Variants in NHLRC3 observed in about 807,000 individuals in gnomAD.
NHLRC3 encodes the protein NHL repeat-containing protein 3.
A neutral mutation model predicts 32.0 loss-of-function variants in NHLRC3; 23 were observed. The ratio of observed to expected loss-of-function variants is 0.72; its 90% confidence interval spans 0.52 to 1.02. NHLRC3 has a LOEUF of 1.02. Among genes scored for constraint, NHLRC3 ranks in the 50% least tolerant of loss-of-function variants. The pLI is 0.00. For synonymous variants in NHLRC3, 159 were observed against 147.9 expected (o/e 1.08, Z -0.55); for missense variants, 407 against 406.8 (o/e 1.00, Z -0.01).
chr13:39,047,146 C>T lies in NHLRC3; in HGVS notation c.785C>T (p.Ser262Leu). 1 of 1,575,346 alleles carries T rather than the reference C, an allele frequency of 6.3e-7. No individual in the cohort carries two copies. The highest frequency in any genetic ancestry group is 8.7e-7 in the Non-Finnish European group (1 of 1,146,982). ...NNCFTEEGPS[S>L]VRFTPDGKYL... ...TGTTTCACAGAAGAGGGACCTTCTT[C>T]AGTCAGGTAATTGTTTCATTTTATT... is the stretch of plus-strand genomic sequence containing the variant. Residue 262 changes from serine (S) to leucine (L), a missense_variant, in exon 6 of 7, where the codon TCA (serine) becomes TTA (leucine). Transcript: ENST00000379600.
chr13:39,046,029 G>A (rs1169525137), intron 5 of NHLRC3, among the ~76,000 whole-genome samples: 1 of 152,106 alleles, frequency 6.6e-6, no homozygotes, highest in African/African-American at 2.4e-5. Flanking sequence ...CTGGCCACAA[G>A]TCATCAAAAA....
At chr13:39,040,440 A>C (rs1010472720) in intron 3 of NHLRC3, 2 of 152,222 alleles carry the variant, frequency 1.3e-5, no homozygotes, top group Admixed American at 1.3e-4. Context: ...AAGTGCAAAG[A>C]TTGCAGAAAC....
rs1566032080 is a variant in NHLRC3 at position 39,039,173 on chromosome 13, CTG to C, written c.123_124del (p.Lys43AsnfsTer11). ...TTTACTTTTGCAGTTTCCTGGAGAA[CTG>C]AGAAAATTCTTTACCGGCTGGATGT... On this transcript the variant is annotated frameshift_variant, in exon 2 of 7. Transcript: ENST00000379600. LOFTEE classifies it high-confidence loss of function. 2.5e-6 allele frequency: 4 copies of C among 1,599,522 alleles called. No homozygotes were observed. The highest frequency in any genetic ancestry group is 2.6e-6 in the Non-Finnish European group (3 of 1,172,198).
rs544101499 is a variant in NHLRC3, at chr13:39,049,216, C to A, written c.*1290C>A. The A allele has an allele frequency of 6.5e-6, 1 of 152,700 alleles. No homozygotes were observed. The highest frequency in any genetic ancestry group is 2.1e-4 in the South Asian group (1 of 4,826). The allele number at this position is 152,700 out of a possible 1,614,324, so 9.5% of individuals were successfully genotyped here. On this transcript the variant is annotated 3_prime_UTR_variant, in exon 7 of 7. Transcript: ENST00000379600. ...TATGACAAATCTTGAGCTGACTTTCCTCTTCACCTGTTATGGCTGGAGTAT... is the reference window on the plus strand; with the variant it reads ...TATGACAAATCTTGAGCTGACTTTCATCTTCACCTGTTATGGCTGGAGTAT...
chr13:39,038,916 T>C (rs1871326633), intron 1 of NHLRC3, 193 bp downstream of exon 1: 1 of 644,408 alleles, frequency 1.6e-6, no homozygotes, highest in Non-Finnish European at 2.7e-6. Context: ...ATTTTCCTCT[T>C]TCCCAACTCT....
chr13:39,038,365 G>T, upstream of NHLRC3: 1 of 505,740 alleles, frequency 2.0e-6, no homozygotes, highest in Non-Finnish European at 3.6e-6. Flanking sequence ...GGGCGGGAAA[G>T]GGTGGTCACT....
chr13:39,041,844 A>G (rs1593551048), intron 3 of NHLRC3: 1 of 372,974 alleles, frequency 2.7e-6, no homozygotes, highest in Non-Finnish European at 4.8e-6. Flanking sequence ...AGTTTCCTGT[A>G]TAATGAGTCA....
Position 39,038,575 on chromosome 13 carries a change from C to T in NHLRC3, c.-65C>T, listed in dbSNP as rs571507355. 102 of 1,394,604 alleles carry T rather than the reference C, an allele frequency of 7.3e-5. No homozygotes were observed. The East Asian group carries it at 2.3e-3, about 32-fold the overall frequency. 86.4% of individuals were successfully genotyped at this position (1,394,604 alleles called of 1,614,324 possible). A position where few individuals can be genotyped will look rare whatever the true frequency, so the allele number is the denominator to read the frequency against. ...CTGTGCCGCTGCAAACCGTTGCAGC[C>T]TGAGGCTGTCAGGTCCTCCCCCAGA... On this transcript the variant is annotated 5_prime_UTR_variant, in exon 1 of 7. Coordinates refer to ENST00000379600, the MANE Select transcript of NHLRC3 (RefSeq NM_001012754.4).
chr13:39,038,383 C>G (rs7491016), upstream of NHLRC3: 1 of 537,568 alleles, frequency 1.9e-6, no homozygotes, highest in Non-Finnish European at 3.3e-6. Flanking sequence ...ACTGGGTCAG[C>G]CCGAAGCACC....
rs992757602 is a variant in NHLRC3 at position 39,039,649 on chromosome 13, A to G, written c.323A>G (p.His108Arg). ...TGGAATTATACAGTTGACACACCTC[A>G]TGGTATATTTGCAGCCAGTACTCTA... is the stretch of plus-strand genomic sequence containing the variant. ...RAWNYTVDTPHGIFAASTLYE... is the reference protein window; with the variant it reads ...RAWNYTVDTPRGIFAASTLYE... Residue 108 changes from histidine to arginine, a missense_variant, in exon 3 of 7, where the codon CAT (histidine) becomes CGT (arginine). By Grantham distance (29) the His-to-Arg change is conservative. Coordinates refer to ENST00000379600, the MANE Select transcript of NHLRC3 (RefSeq NM_001012754.4). 6 of 1,612,706 alleles carry G rather than the reference A, an allele frequency of 3.7e-6. No individual in the cohort carries two copies. The highest frequency in any genetic ancestry group is 2.2e-5 in the South Asian group (2 of 91,066).
chr13:39,047,168 T>C lies in NHLRC3; in HGVS notation c.791+16T>C. On this transcript the variant is annotated intron_variant, in intron 6 of 6. Transcript: ENST00000379600. ...CTTCAGTCAGGTAATTGTTTCATTT[T>C]ATTGCAAAATGCTTGTTTTAGTTAG... is the stretch of plus-strand genomic sequence containing the variant. 7.0e-7 allele frequency: 1 copy of C among 1,436,196 alleles called. No individual in the cohort carries two copies. The highest frequency in any genetic ancestry group is 9.8e-7 in the Non-Finnish European group (1 of 1,024,804). The allele number at this position is 1,436,196 out of a possible 1,614,324, so 89.0% of individuals were successfully genotyped here. A position where few individuals can be genotyped will look rare whatever the true frequency, so the allele number is the denominator to read the frequency against.
intron 5 of NHLRC3, among the ~76,000 whole-genome samples, chr13:39,045,324 A>G (rs1871626774): frequency 1.3e-5 from 2 of 152,194 alleles, no homozygotes; most frequent in African/African-American, 4.8e-5. Context: ...AAGAAAAAAA[A>G]TCAAATTTCA....
At chr13:39,041,862 G>C in intron 3 of NHLRC3, 1 of 430,978 alleles carries the variant, frequency 2.3e-6, no homozygotes, top group Non-Finnish European at 4.1e-6. Context: ...TCAATTATGG[G>C]GATGTTATTT....
At chr13:39,042,013 C>T in intron 3 of NHLRC3, 92 bp from the exon 4 acceptor site, 1 of 687,322 alleles carries the variant, frequency 1.5e-6, no homozygotes, top group Non-Finnish European at 2.5e-6. Flanking sequence ...TTATTATTTA[C>T]TTCTATCAAA....
intron 5 of NHLRC3, among the ~76,000 whole-genome samples, chr13:39,045,536 T>C (rs1394199342): frequency 1.3e-5 from 2 of 151,798 alleles, no homozygotes; most frequent in Non-Finnish European, 2.9e-5. Context: ...ACCACAACCC[T>C]ATATGAAAGG....
chr13:39,039,300 G>C lies in NHLRC3; in HGVS notation c.237+12G>C, dbSNP rs1409387774. ...TTTACATAGGTCAAGTAAGTAAATA[G>C]AGATTTAAAAAAATTATGAACACAA... is the stretch of plus-strand genomic sequence containing the variant. On this transcript the variant is annotated intron_variant, in intron 2 of 6. Transcript: ENST00000379600. 6.2e-7 allele frequency: 1 copy of C among 1,601,234 alleles called. No individual in the cohort carries two copies. The highest frequency in any genetic ancestry group is 1.7e-5 in the Admixed American group (1 of 59,354).
intron 5 of NHLRC3, among the ~76,000 whole-genome samples, chr13:39,045,350 C>T (rs1432286214): frequency 1.3e-5 from 2 of 152,118 alleles, no homozygotes; most frequent in Non-Finnish European, 2.9e-5. Flanking sequence ...TGCGAGACCT[C>T]GACCCAGGTA....
intron 4 of NHLRC3, among the ~76,000 whole-genome samples, chr13:39,043,254 G>C (rs1424867573): frequency 2.0e-5 from 3 of 152,226 alleles, no homozygotes; most frequent in Non-Finnish European, 4.4e-5. Context: ...CTAGGAGACA[G>C]ATTGAATATA....
rs548715129 is a variant in NHLRC3 at position 39,041,935 on chromosome 13, C to G, written c.386-170C>G. The G allele has an allele frequency of 9.7e-4, 515 of 533,266 alleles. 9 individuals carry two copies. In the East Asian group the frequency reaches 0.015, roughly 16 times the overall value. 33.0% of individuals were successfully genotyped at this position (533,266 alleles called of 1,614,324 possible). Reference sequence around the variant, plus strand: ...GATTTTAATTCGTGATCAAATTTGGCTGTAATTTACGAAGAAGCTATAGTG... The same window carrying G: ...GATTTTAATTCGTGATCAAATTTGGGTGTAATTTACGAAGAAGCTATAGTG... On this transcript the variant is annotated intron_variant, in intron 3 of 6. Transcript: ENST00000379600.
Sources: gnomAD v4.1 joint callset for allele counts (sites outside exome capture counted in the v4.1 genomes callset) on GRCh38, gnomAD v4.1.1 for gene constraint, MANE v1.5 for transcripts, NCBI Gene and HGNC (gene_info 2026-07-23, HGNC 2026-07-21) for gene names.